The following OXSM variants were observed in gnomAD, a reference collection of about 807,000 sequenced individuals.
OXSM encodes the protein 3-oxoacyl-ACP synthase, mitochondrial.
Under a neutral mutation model 29.2 loss-of-function variants are expected in OXSM, and 19 were observed. That is an observed-to-expected ratio of 0.65 (90% CI 0.45 to 0.96). OXSM has a LOEUF of 0.96. Ranked by LOEUF, OXSM falls within the 40% of genes least tolerant of loss-of-function variation. The probability of loss-of-function intolerance (pLI) is 0.00; values close to 1 mark genes in which losing one functional copy is unlikely to be tolerated. For missense variants in OXSM, 554 were observed against 551.3 expected (o/e 1.00, Z -0.05); for synonymous variants, 178 against 197.1 (o/e 0.90, Z 0.81).
chr3:25,792,029 C>A (rs759485249), intron 2 of OXSM, 32 bp downstream of exon 2: 3 of 1,561,088 alleles, frequency 1.9e-6, no homozygotes, highest in Non-Finnish European at 2.6e-6. Context: ...CGAAATATTT[C>A]TTCAAATAAG....
At chr3:25,793,358 G>A (rs1286153139) in intron 2 of OXSM, among the ~76,000 whole-genome samples, 1 of 151,896 alleles carries the variant, frequency 6.6e-6, no homozygotes, top group Non-Finnish European at 1.5e-5. Flanking sequence ...CAAAATAGAT[G>A]AAGAAATGGT....
intron 1 of OXSM, 30 bp downstream of exon 1, chr3:25,790,177 C>G (rs550498526): frequency 2.1e-6 from 1 of 478,402 alleles, no homozygotes; most frequent in East Asian, 3.4e-5. Flanking sequence ...TCCTTCGCCC[C>G]TCCTTTCCTC....
At chr3:25,790,330 A>C (rs1482185526) in intron 1 of OXSM, 183 bp downstream of exon 1, 6 of 192,522 alleles carry the variant, frequency 3.1e-5, no homozygotes, top group Non-Finnish European at 6.5e-5. Flanking sequence ...GAATGGCTAC[A>C]CTCTTTTACT....
intron 1 of OXSM, chr3:25,790,566 A>C (rs967475060): frequency 1.2e-5 from 2 of 169,200 alleles, no homozygotes; most frequent in African/African-American, 4.8e-5. Flanking sequence ...TTAAGTACTG[A>C]AGATTGATAA....
chr3:25,793,554 C>A (rs1043748869), intron 2 of OXSM, among the ~76,000 whole-genome samples: 3 of 152,108 alleles, frequency 2.0e-5, no homozygotes, highest in African/African-American at 7.2e-5. Flanking sequence ...GTTTGTTTGG[C>A]TTAGCTTGCC....
intron 1 of OXSM, 98 bp from the exon 2 acceptor site, chr3:25,790,892 C>T: frequency 1.3e-6 from 1 of 776,974 alleles, no homozygotes; most frequent in Non-Finnish European, 2.1e-6. Flanking sequence ...TCATTAGCAG[C>T]TCATATCAAG....
rs759967237 is a variant in OXSM, at chr3:25,791,299, A to G, written c.279A>G (p.Pro93=). The change falls in exon 2 of 3, where the codon CCA becomes CCG. Residue 93 remains proline (P), a synonymous_variant. Transcript: ENST00000280701. ...CTTGCAGTGTTGCTGCTTATGTGCC[A>G]AGAGGTAGTGATGAAGGTCAGTTCA... ...SIPCSVAAYV[P]RGSDEGQFNE... The G allele has an allele frequency of 3.1e-6, 5 of 1,614,176 alleles. No homozygotes were observed. Among genetic ancestry groups the G allele is most frequent in the African/African-American group, 2.7e-5 (2 of 75,034 alleles).
intron 2 of OXSM, 21 bp from the exon 3 acceptor site, chr3:25,794,071 T>A: frequency 6.3e-7 from 1 of 1,581,370 alleles, no homozygotes; most frequent in African/African-American, 1.4e-5. Flanking sequence ...TCCTGATAAA[T>A]GTCTTTTCTT....
At chr3:25,792,088 G>A in intron 2 of OXSM, 91 bp downstream of exon 2, 1 of 1,067,642 alleles carries the variant, frequency 9.4e-7, no homozygotes, top group Non-Finnish European at 1.4e-6. Flanking sequence ...GTCTGGCCTT[G>A]GTGTACAGTA....
In OXSM at chr3:25,790,093, C is replaced by G; in HGVS notation, c.-86C>G. Reference sequence around the variant, plus strand: ...GCGTACGTGCGTGTGCGCGTGCGCTCGAGAGCGTCATCGCCCCCGACTGTG... The same window carrying G: ...GCGTACGTGCGTGTGCGCGTGCGCTGGAGAGCGTCATCGCCCCCGACTGTG... On this transcript the variant is annotated 5_prime_UTR_variant, in exon 1 of 3. Transcript: ENST00000280701. The G allele has an allele frequency of 1.7e-6, 1 of 594,546 alleles. No homozygotes were observed. Among genetic ancestry groups the G allele is most frequent in the Admixed American group, 3.1e-5 (1 of 32,562 alleles). 36.8% of individuals were successfully genotyped at this position (594,546 alleles called of 1,614,324 possible). A position where few individuals can be genotyped will look rare whatever the true frequency, so the allele number is the denominator to read the frequency against.
rs1708741475 is a variant in OXSM, at chr3:25,791,271, T to C, written c.251T>C (p.Ile84Thr). ...CTGGTTGGTGAAGAGTATAAGAGTA[T>C]CCCTTGCAGTGTTGCTGCTTATGTG... ...VSLVGEEYKS[I>T]PCSVAAYVPR... is the part of the protein sequence containing the mutation. Residue 84 changes from isoleucine to threonine, a missense_variant, in exon 2 of 3, where the codon ATC (isoleucine) becomes ACC (threonine). By Grantham distance (89) the Ile-to-Thr change is moderately conservative. Coordinates refer to ENST00000280701, the MANE Select transcript of OXSM (RefSeq NM_017897.3). 1 of 1,614,062 alleles carries C rather than the reference T, an allele frequency of 6.2e-7. No individual in the cohort carries two copies. Among genetic ancestry groups the C allele is most frequent in the Admixed American group, 1.7e-5 (1 of 60,002 alleles).
At position 25,791,924 on chromosome 3, in the gene OXSM, G is replaced by A. The variant is rs994869106; in HGVS notation, c.904G>A (p.Val302Ile). The A allele has an allele frequency of 6.2e-7, 1 of 1,602,508 alleles. No individual in the cohort carries two copies. The highest frequency in any genetic ancestry group is 1.3e-5 in the African/African-American group (1 of 74,902). The change falls in exon 2 of 3, where the codon GTT becomes ATT. Residue 302 changes from valine (V) to isoleucine (I), a missense_variant. By Grantham distance (29) the Val-to-Ile change is conservative (BLOSUM62 3). Coordinates refer to ENST00000280701, the MANE Select transcript of OXSM (RefSeq NM_017897.3). ...AAGAAGAGCCCGGATCTATGCAGAAGTTTTGGGCTATGGACTCTCAGGTGA... is the reference window on the plus strand; with the variant it reads ...AAGAAGAGCCCGGATCTATGCAGAAATTTTGGGCTATGGACTCTCAGGTGA... The part of the protein sequence containing the change: ...VQRRARIYAE[V>I]LGYGLSGDAG...
chr3:25,792,415 A>C (rs1373481705), intron 2 of OXSM, among the ~76,000 whole-genome samples: 1 of 152,210 alleles, frequency 6.6e-6, no homozygotes, highest in Admixed American at 6.5e-5. Flanking sequence ...AGCACTTCTC[A>C]AACTATAATC....
At chr3:25,790,855 T>G (rs1708727199) in intron 1 of OXSM, 135 bp from the exon 2 acceptor site, 1 of 613,416 alleles carries the variant, frequency 1.6e-6, no homozygotes, top group African/African-American at 1.8e-5. Flanking sequence ...AGGTATAAAT[T>G]GAAAGTATGT....
chr3:25,793,683 A>G (rs1708814120), intron 2 of OXSM, among the ~76,000 whole-genome samples: 1 of 152,248 alleles, frequency 6.6e-6, no homozygotes, highest in Non-Finnish European at 1.5e-5. Flanking sequence ...TAAATGTGAA[A>G]GAAAAATCAT....
chr3:25,791,656 A>C lies in OXSM; in HGVS notation c.636A>C (p.Gly212=), dbSNP rs757195424. The change falls in exon 2 of 3, where the codon GGA becomes GGC. Residue 212 remains glycine (G), a synonymous_variant. Coordinates refer to ENST00000280701, the MANE Select transcript of OXSM (RefSeq NM_017897.3). ...NHAVSTACTT[G]AHAVGDSFRF... ...CAGTATCCACAGCCTGTACCACAGG[A>C]GCTCATGCTGTGGGAGACTCATTTA... 6.2e-7 allele frequency: 1 copy of C among 1,614,110 alleles called. No individual in the cohort carries two copies. Among genetic ancestry groups the C allele is most frequent in the Admixed American group, 1.7e-5 (1 of 60,028 alleles).
intron 2 of OXSM, among the ~76,000 whole-genome samples, 161 bp downstream of exon 2, chr3:25,792,158 T>C (rs1474584005): frequency 6.6e-6 from 1 of 152,226 alleles, no homozygotes; most frequent in African/African-American, 2.4e-5. Flanking sequence ...CTTAAGACAT[T>C]TGAAGTATTT....
intron 2 of OXSM, among the ~76,000 whole-genome samples, chr3:25,793,118 A>AT (rs1708799795): frequency 6.6e-6 from 1 of 150,684 alleles, no homozygotes; most frequent in African/African-American, 2.4e-5. Context: ...ATTTTATTTT[A>AT]TTTGTTTTTG....
intron 2 of OXSM, among the ~76,000 whole-genome samples, chr3:25,793,471 C>G (rs1232169635): frequency 6.6e-6 from 1 of 152,114 alleles, no homozygotes; most frequent in Non-Finnish European, 1.5e-5. Flanking sequence ...ATGTATATTT[C>G]TCTTAGGAAC....
Sources: allele counts gnomAD v4.1 joint callset (sites outside exome capture counted in the v4.1 genomes callset), GRCh38; gene constraint gnomAD v4.1.1; transcripts MANE v1.5; gene names NCBI Gene and HGNC (gene_info 2026-07-23, HGNC 2026-07-21).